Variants in NEDD4L observed in about 807,000 individuals in gnomAD.
NEDD4L encodes the protein NEDD4 like E3 ubiquitin protein ligase, also known as E3 ubiquitin-protein ligase NEDD4-like.
Under a neutral mutation model 148.9 loss-of-function variants are expected in NEDD4L, and 54 were observed. That is an observed-to-expected ratio of 0.36 (90% confidence interval 0.29 to 0.45). The LOEUF (loss-of-function observed/expected upper bound fraction) is 0.45, where lower values mean the gene tolerates loss of function less well. Among genes scored for constraint, NEDD4L ranks in the 20% least tolerant of loss-of-function variants. The pLI, the probability that NEDD4L is intolerant of heterozygous loss-of-function variation, is 1.00. For missense variants in NEDD4L, 856 were observed against 1,233.8 expected (o/e 0.69, Z 4.59); for synonymous variants, 433 against 440.7 (o/e 0.98, Z 0.22).
chr18:58,294,047 TC>T lies in NEDD4L; in HGVS notation c.298-21932del, dbSNP rs201853184. On this transcript the variant is annotated intron_variant, in intron 5 of 30. Transcript: ENST00000400345. The stretch of plus-strand genomic sequence containing the variant: ...CAGGAAATTTTGGTATTAGGAAGTT[TC>T]CCACATACCATTTGTCTTTGGTGCC... 1.6e-3 allele frequency among the ~76,000 whole-genome samples: 251 copies of T among 152,346 alleles called. 9 individuals carry two copies. In the East Asian group the frequency reaches 0.044, roughly 27 times the overall value.
chr18:58,268,119 A>G (rs982414763), intron 5 of NEDD4L, among the ~76,000 whole-genome samples: 1 of 151,972 alleles, frequency 6.6e-6, no homozygotes, highest in East Asian at 1.9e-4. Flanking sequence ...CAACCCCCCA[A>G]TGGGGTTCAG....
intron 5 of NEDD4L, among the ~76,000 whole-genome samples, chr18:58,305,892 T>C (rs374961461): frequency 6.6e-6 from 1 of 152,162 alleles, no homozygotes; most frequent in South Asian, 2.1e-4. Context: ...TTTAACTACT[T>C]AGAAGTTTTC....
intron 1 of NEDD4L, among the ~76,000 whole-genome samples, chr18:58,132,191 TAC>T (rs1260485722): frequency 6.6e-6 from 1 of 152,232 alleles, no homozygotes; most frequent in East Asian, 1.9e-4. Flanking sequence ...CTTTTGAACT[TAC>T]CCTGACTGGT....
intron 5 of NEDD4L, among the ~76,000 whole-genome samples, chr18:58,271,436 A>G (rs1284544598): frequency 6.6e-6 from 1 of 152,204 alleles, no homozygotes; most frequent in African/African-American, 2.4e-5. Flanking sequence ...TTTAAAGGCC[A>G]AACCAAGATC....
chr18:58,349,534 C>T lies in NEDD4L; in HGVS notation c.1576-3C>T. ...TCTACTGTCTTTTACATTTTTCTTG[C>T]AGGAAGATCCACGTTTGAAATTTCC... On this transcript the variant is annotated splice_region_variant and splice_polypyrimidine_tract_variant and intron_variant, in intron 16 of 30. Coordinates refer to ENST00000400345, the MANE Select transcript of NEDD4L (RefSeq NM_001144967.3). The T allele has an allele frequency of 1.9e-6, 3 of 1,612,958 alleles. No homozygotes were observed. Among genetic ancestry groups the T allele is most frequent in the Non-Finnish European group, 2.5e-6 (3 of 1,178,932 alleles).
At chr18:58,082,102 ATTTTTT>A (rs1192932128) in intron 1 of NEDD4L, among the ~76,000 whole-genome samples, 8 of 48,856 alleles carry the variant, frequency 1.6e-4, no homozygotes, top group Non-Finnish European at 1.9e-4. Flanking sequence ...ATATATATAT[ATTTTTT>A]TTTTTTTTTT....
intron 22 of NEDD4L, among the ~76,000 whole-genome samples, chr18:58,369,820 CG>C (rs2046609877): frequency 1.3e-5 from 2 of 152,338 alleles, no homozygotes; most frequent in South Asian, 4.1e-4. Flanking sequence ...CGTCCCTCCG[CG>C]GGGGGTTGCA....
intron 1 of NEDD4L, among the ~76,000 whole-genome samples, chr18:58,050,808 A>G (rs888828574): frequency 2.6e-5 from 4 of 152,160 alleles, no homozygotes; most frequent in Non-Finnish European, 5.9e-5. Flanking sequence ...GGGTGAGGAC[A>G]GTGACAAATG....
At chr18:58,238,529 A>C (rs1048152999) in intron 2 of NEDD4L, among the ~76,000 whole-genome samples, 2 of 152,214 alleles carry the variant, frequency 1.3e-5, no homozygotes, top group Non-Finnish European at 2.9e-5. Context: ...ATTTTAGCCT[A>C]ACATGATTTT....
At chr18:58,175,722 C>A (rs931208532) in intron 2 of NEDD4L, among the ~76,000 whole-genome samples, 6 of 152,180 alleles carry the variant, frequency 3.9e-5, no homozygotes, top group Admixed American at 3.9e-4. Context: ...CCTTCCCACC[C>A]CCCAAACCGA....
At chr18:58,131,756 G>C (rs991094423) in intron 1 of NEDD4L, among the ~76,000 whole-genome samples, 1 of 152,116 alleles carries the variant, frequency 6.6e-6, no homozygotes, top group African/African-American at 2.4e-5. Flanking sequence ...TGTGGTGGTG[G>C]ATCCCAGGAG....
intron 5 of NEDD4L, among the ~76,000 whole-genome samples, chr18:58,272,735 A>C (rs1367683788): frequency 6.6e-6 from 1 of 152,226 alleles, no homozygotes; most frequent in African/African-American, 2.4e-5. Context: ...TAAACATAAA[A>C]GTCAGTAAGG....
At chr18:58,315,855 C>T in intron 5 of NEDD4L, 127 bp from the exon 6 acceptor site, 1 of 860,900 alleles carries the variant, frequency 1.2e-6, no homozygotes, top group South Asian at 1.3e-5. Flanking sequence ...TCCTCGGGGC[C>T]TTCCGCCCTC....
intron 1 of NEDD4L, among the ~76,000 whole-genome samples, chr18:58,090,089 C>T (rs7242530): frequency 0.087 from 13,178 of 152,166 alleles, 687 homozygotes; most frequent in Admixed American, 0.15. Context: ...CTGCTCACCT[C>T]GTCCTCCCAA....
chr18:58,269,874 A>G (rs1329383894), intron 5 of NEDD4L, among the ~76,000 whole-genome samples: 5 of 149,594 alleles, frequency 3.3e-5, no homozygotes, highest in Non-Finnish European at 7.6e-5. Context: ...TCAGAGGTCC[A>G]CAAAATAAAC....
intron 5 of NEDD4L, among the ~76,000 whole-genome samples, chr18:58,272,341 T>C (rs1014500799): frequency 6.6e-6 from 1 of 152,146 alleles, no homozygotes; most frequent in Non-Finnish European, 1.5e-5. Flanking sequence ...AAATTAATAT[T>C]ATTTAATCCA....
chr18:58,146,667 A>G (rs1246869883), intron 1 of NEDD4L, among the ~76,000 whole-genome samples: 2 of 152,080 alleles, frequency 1.3e-5, no homozygotes. Context: ...GGTGGGAGCA[A>G]TTTGGAGAAG....
chr18:58,352,319 A>C (rs996704102), intron 18 of NEDD4L, among the ~76,000 whole-genome samples: 1 of 152,158 alleles, frequency 6.6e-6, no homozygotes, highest in African/African-American at 2.4e-5. Flanking sequence ...AATTTACTAA[A>C]ATGAGAGAGA....
rs572651334 is a variant in NEDD4L at position 58,342,769 on chromosome 18, G to T, written c.1378-137G>T. 618 of 610,766 alleles carry T rather than the reference G, an allele frequency of 1.0e-3. 18 individuals are homozygous for T. In the South Asian group the frequency reaches 0.018, roughly 18 times the overall value. 37.8% of individuals were successfully genotyped at this position (610,766 alleles called of 1,614,324 possible). A position where few individuals can be genotyped will look rare whatever the true frequency, so the allele number is the denominator to read the frequency against. On this transcript the variant is annotated intron_variant, in intron 15 of 30. Transcript: ENST00000400345. ...AAGTTAGATTGATTTAAAAGTAAAT[G>T]AATGACAGAAAACAGGTTTTGGGGA...
Sources: allele counts gnomAD v4.1 joint callset (sites outside exome capture counted in the v4.1 genomes callset), GRCh38; gene constraint gnomAD v4.1.1; transcripts MANE v1.5; gene names NCBI Gene and HGNC (gene_info 2026-07-23, HGNC 2026-07-21).